ATP2A1: variants seen among roughly 807,000 people sequenced by gnomAD.
ATP2A1 encodes sarcoplasmic/endoplasmic reticulum calcium ATPase 1.
ATP2A1 carries 83 observed loss-of-function variants against 109.5 expected under a neutral mutation model. The observed-to-expected ratio is 0.76, with a 90% CI of 0.63 to 0.91. The LOEUF (loss-of-function observed/expected upper bound fraction) is 0.91, where lower values mean the gene tolerates loss of function less well. Among genes scored for constraint, ATP2A1 ranks in the 40% least tolerant of loss-of-function variants. ATP2A1 has a pLI of 0.00. For synonymous variants in ATP2A1, 505 were observed against 537.6 expected (o/e 0.94, Z 0.84); for missense variants, 1,101 against 1,341.0 (o/e 0.82, Z 2.80).
Position 28,882,535 on chromosome 16 carries a change from G to A in ATP2A1, c.409G>A (p.Val137Met). Residue 137 changes from valine to methionine, a missense_variant, in exon 5 of 23, where the codon GTG becomes ATG. Transcript: ENST00000395503. ...GGTCTACCGGGCTGACCGCAAGTCA[G>A]TGCAAAGGATCAAGGCTCGGGACAT... Reference protein sequence around the residue: ...GKVYRADRKSVQRIKARDIVP... With the variant: ...GKVYRADRKSMQRIKARDIVP... The A allele has an allele frequency of 2.5e-6, 4 of 1,614,248 alleles. No individual in the cohort carries two copies. Among genetic ancestry groups the A allele is most frequent in the Admixed American group, 1.7e-5 (1 of 60,026 alleles).
chr16:28,902,526 C>T lies in ATP2A1; in HGVS notation c.2525-54C>T, dbSNP rs915027474. On this transcript the variant is annotated intron_variant, in intron 17 of 22. Coordinates refer to ENST00000395503, the MANE Select transcript of ATP2A1 (RefSeq NM_004320.6). This position sits in a 1 kb window ranked among gnomAD's most constrained non-coding sequence, Gnocchi z 4.8. ...ATGGCCACATGAGGCCCTCAACCCT[C>T]GATGCCCCCTATCTCCCCAGCCCTG... 25 of 1,588,520 alleles carry T rather than the reference C, an allele frequency of 1.6e-5. 1 individual carries two copies. The Middle Eastern group carries it at 7.3e-4, about 46-fold the overall frequency.
intron 15 of ATP2A1, among the ~76,000 whole-genome samples, chr16:28,901,361 G>A (rs1964068004): frequency 6.6e-6 from 1 of 150,836 alleles, no homozygotes; most frequent in African/African-American, 2.4e-5. Flanking sequence ...GGTGGGCGGA[G>A]GGGCTCATGC....
chr16:28,902,349 C>T lies in ATP2A1; in HGVS notation c.2487C>T (p.Ile829=), dbSNP rs1391215342. ...CCCGGAGCCCCAAGGAGCCCCTCAT[C>T]AGTGGCTGGCTCTTCTTCCGCTACA... ...RPPRSPKEPL[I]SGWLFFRYMA... Residue 829 remains isoleucine, a synonymous_variant, in exon 17 of 23, where the codon ATC becomes ATT. Transcript: ENST00000395503. This position sits in a 1 kb window ranked among gnomAD's most constrained non-coding sequence, Gnocchi z 4.8. 1.9e-6 allele frequency: 3 copies of T among 1,613,982 alleles called. No homozygotes were observed. Among genetic ancestry groups the T allele is most frequent in the Non-Finnish European group, 2.5e-6 (3 of 1,180,006 alleles).
At chr16:28,881,751 A>ATG in intron 4 of ATP2A1, 1 of 155,960 alleles carries the variant, frequency 6.4e-6, no homozygotes, top group Non-Finnish European at 1.4e-5. Flanking sequence ...GCAGTGAGCC[A>ATG]AGATTGCACA....
chr16:28,880,368 C>T lies in ATP2A1; in HGVS notation c.220-547C>T. Among the ~76,000 whole-genome samples the T allele has an allele frequency of 6.6e-6, 1 of 152,248 alleles. No individual in the cohort carries two copies. The highest frequency in any genetic ancestry group is 1.9e-4 in the East Asian group (1 of 5,200). ...CGCGTTAAGCACAAGCTGGCAGGGC[C>T]TCTCCTCTCCCTTCTCAGATTTGCT... is the stretch of plus-strand genomic sequence containing the variant. On this transcript the variant is annotated intron_variant, in intron 3 of 22. Coordinates refer to ENST00000395503, the MANE Select transcript of ATP2A1 (RefSeq NM_004320.6). The surrounding 1 kb of genome is among the most constrained non-coding windows in gnomAD (Gnocchi z 4.2).
Position 28,903,503 on chromosome 16 carries a change from C to A in ATP2A1, c.2980+63C>A. On this transcript the variant is annotated intron_variant, in intron 21 of 22. Coordinates refer to ENST00000395503, the MANE Select transcript of ATP2A1 (RefSeq NM_004320.6). This position sits in a 1 kb window ranked among gnomAD's most constrained non-coding sequence, Gnocchi z 5.6. ...CCACAGCCCCTTCCCCATGACGCCG[C>A]CCCCGCCCCGCCCCGTACTTTGCAG... 6.9e-7 allele frequency: 1 copy of A among 1,445,870 alleles called. No individual in the cohort carries two copies. Among genetic ancestry groups the A allele is most frequent in the Non-Finnish European group, 9.7e-7 (1 of 1,031,084 alleles). 89.6% of individuals were successfully genotyped at this position (1,445,870 alleles called of 1,614,324 possible). A position where few individuals can be genotyped will look rare whatever the true frequency, so the allele number is the denominator to read the frequency against.
intron 5 of ATP2A1, among the ~76,000 whole-genome samples, chr16:28,884,250 C>G (rs997386690): frequency 6.6e-6 from 1 of 152,186 alleles, no homozygotes; most frequent in Non-Finnish European, 1.5e-5. Context: ...ATTTATTGAG[C>G]ATGTACTATG....
At chr16:28,896,530 G>C (rs762910293) in intron 12 of ATP2A1, among the ~76,000 whole-genome samples, 1 of 151,470 alleles carries the variant, frequency 6.6e-6, no homozygotes, top group Non-Finnish European at 1.5e-5. Context: ...CTCTTGCCTC[G>C]GCCTCCTGAA....
Position 28,904,304 on chromosome 16 carries a change from G to T in ATP2A1, c.*162G>T. 1 of 1,607,730 alleles carries T rather than the reference G, an allele frequency of 6.2e-7. No homozygotes were observed. ...CCTGTCCCCCACACCCGTGTCATGT[G>T]TCTGTTTATAAACATGTCCCCTTCC... On this transcript the variant is annotated 3_prime_UTR_variant, in exon 23 of 23. Transcript: ENST00000395503.
rs554415489 is a variant in ATP2A1 at position 28,900,054 on chromosome 16, G to A, written c.1765-527G>A. Among the ~76,000 whole-genome samples the A allele has an allele frequency of 3.3e-5, 5 of 151,952 alleles. No individual in the cohort carries two copies. The South Asian group carries it at 1.0e-3, about 32-fold the overall frequency. ...TTATGCCTGTAATCGCAGCACATTG[G>A]GAGGCCGAGGCTGGAGGATCTGTTG... On this transcript the variant is annotated intron_variant, in intron 14 of 22. Transcript: ENST00000395503.
chr16:28,879,163 C>T, intron 2 of ATP2A1, 47 bp downstream of exon 2: 1 of 1,604,056 alleles, frequency 6.2e-7, no homozygotes, highest in Non-Finnish European at 8.5e-7. Flanking sequence ...CACCCCCCAC[C>T]CCGCCCTGTC....
intron 5 of ATP2A1, among the ~76,000 whole-genome samples, chr16:28,884,325 T>C (rs1163125194): frequency 6.6e-6 from 1 of 151,494 alleles, no homozygotes; most frequent in Non-Finnish European, 1.5e-5. Flanking sequence ...GATGTGGGAG[T>C]TCAAGACCAG....
At chr16:28,901,077 C>T (rs1964061350) in intron 15 of ATP2A1, among the ~76,000 whole-genome samples, 161 bp downstream of exon 15, 1 of 152,128 alleles carries the variant, frequency 6.6e-6, no homozygotes, top group African/African-American at 2.4e-5. Flanking sequence ...GTGGGCTGGG[C>T]CTGGCACTTT....
At chr16:28,882,343 C>A in intron 4 of ATP2A1, 108 bp from the exon 5 acceptor site, 1 of 1,524,456 alleles carries the variant, frequency 6.6e-7, no homozygotes, top group Non-Finnish European at 9.0e-7. Context: ...TCAACATACA[C>A]ACACCCCTGC....
rs983568260 is a variant in ATP2A1 at position 28,898,594 on chromosome 16, G to C, written c.1764+143G>C. ...CTTAGTACAGGCCATGGAATCACAG[G>C]ACAGTAGAGTTTCAGAGAACCTTGG... is the stretch of plus-strand genomic sequence containing the variant. On this transcript the variant is annotated intron_variant, in intron 14 of 22. Transcript: ENST00000395503. This position sits in a 1 kb window ranked among gnomAD's most constrained non-coding sequence, Gnocchi z 4.0. 4.0e-6 allele frequency: 4 copies of C among 1,011,430 alleles called. No homozygotes were observed. The African/African-American group carries it at 6.4e-5, about 16-fold the overall frequency. 62.7% of individuals were successfully genotyped at this position (1,011,430 alleles called of 1,614,324 possible).
chr16:28,879,055 T>C, intron 1 of ATP2A1, 44 bp from the exon 2 acceptor site: 2 of 1,614,002 alleles, frequency 1.2e-6, no homozygotes, highest in South Asian at 1.1e-5. Context: ...GGCATGAGGC[T>C]GAACCCCAAA....
rs949573285 is a variant in ATP2A1 at position 28,898,458 on chromosome 16, A to C, written c.1764+7A>C. 1 of 1,594,152 alleles carries C rather than the reference A, an allele frequency of 6.3e-7. No homozygotes were observed. The highest frequency in any genetic ancestry group is 1.6e-5 in the African/African-American group (1 of 60,622). On this transcript the variant is annotated splice_region_variant and intron_variant, in intron 14 of 22. Coordinates refer to ENST00000395503, the MANE Select transcript of ATP2A1 (RefSeq NM_004320.6). This position sits in a 1 kb window ranked among gnomAD's most constrained non-coding sequence, Gnocchi z 4.0. ...CAGGTTCCTGGAGTATGAGGTAAGC[A>C]GCTGGGAGCCTCCCACTGTCGTGGA...
At position 28,904,214 on chromosome 16, in the gene ATP2A1, T is replaced by C; in HGVS notation, c.*72T>C. The C allele has an allele frequency of 6.2e-7, 1 of 1,613,692 alleles. No homozygotes were observed. The highest frequency in any genetic ancestry group is 8.5e-7 in the Non-Finnish European group (1 of 1,179,720). On this transcript the variant is annotated 3_prime_UTR_variant, in exon 23 of 23. Coordinates refer to ENST00000395503, the MANE Select transcript of ATP2A1 (RefSeq NM_004320.6). ...ATGAAAGAAGGAAGTGAGCATCCTT[T>C]TGCTCTGTCCTCCCCACCCCGATAG... is the stretch of plus-strand genomic sequence containing the variant.
In ATP2A1 at chr16:28,879,522, T is replaced by A; in HGVS notation, c.158T>A (p.Val53Glu). The change falls in exon 3 of 23, where the codon GTG (valine) becomes GAG (glutamate). Residue 53 changes from valine (V) to glutamate (E), a missense_variant. Transcript: ENST00000395503. ...AEEGKTLWEL[V>E]IEQFEDLLVR... ...CCAGGGAAGACCCTGTGGGAGCTGG[T>A]GATAGAGCAGTTTGAAGACCTCCTG... is the stretch of plus-strand genomic sequence containing the variant. 6.2e-7 allele frequency: 1 copy of A among 1,614,016 alleles called. No individual in the cohort carries two copies. The highest frequency in any genetic ancestry group is 8.5e-7 in the Non-Finnish European group (1 of 1,179,974).
Sources: gnomAD v4.1 joint callset for allele counts (sites outside exome capture counted in the v4.1 genomes callset) on GRCh38, gnomAD v4.1.1 for gene constraint, Gnocchi (gnomAD v3.1) non-coding constraint, MANE v1.5 for transcripts, NCBI Gene and HGNC (gene_info 2026-07-23, HGNC 2026-07-21) for gene names.